Variants in ITIH4 observed in about 807,000 individuals in gnomAD.
ITIH4 encodes the protein inter-alpha-trypsin inhibitor heavy chain 4.
ITIH4 carries 79 observed loss-of-function variants against 111.8 expected under a neutral mutation model. That is an observed-to-expected ratio of 0.71 (90% CI 0.59 to 0.85). ITIH4 has a LOEUF of 0.85. Ranked by LOEUF, ITIH4 falls within the 40% of genes least tolerant of loss-of-function variation. The pLI, the probability that ITIH4 is intolerant of heterozygous loss-of-function variation, is 0.00. For missense variants in ITIH4, 1,065 were observed against 1,195.8 expected (o/e 0.89, Z 1.61); for synonymous variants, 472 against 468.3 (o/e 1.01, Z -0.10).
At chr3:52,820,857 G>C in intron 12 of ITIH4, 72 bp from the exon 13 acceptor site, 1 of 1,556,598 alleles carries the variant, frequency 6.4e-7, no homozygotes, top group Admixed American at 1.8e-5. Context: ...AGCCCCTTCT[G>C]GGGAGGTCCC....
intron 5 of ITIH4, 38 bp from the exon 6 acceptor site, chr3:52,826,052 C>A: frequency 6.2e-7 from 1 of 1,612,184 alleles, no homozygotes; most frequent in Non-Finnish European, 8.5e-7. Flanking sequence ...GGAGGAACAG[C>A]AAAGCCAGGC....
chr3:52,817,999 G>C, intron 20 of ITIH4, 53 bp downstream of exon 20: 1 of 1,339,882 alleles, frequency 7.5e-7, no homozygotes, highest in Non-Finnish European at 1.1e-6. Context: ...CTGTAGGCAG[G>C]TGGTGGGTGT....
intron 21 of ITIH4, among the ~76,000 whole-genome samples, chr3:52,815,831 G>A (rs921946738): frequency 6.6e-6 from 1 of 151,646 alleles, no homozygotes; most frequent in African/African-American, 2.4e-5. Flanking sequence ...GATTACAGGT[G>A]CCCGCCACCA....
In ITIH4 at chr3:52,824,449, G is replaced by A. The variant is rs200098408; in HGVS notation, c.993C>T (p.Ala331=). Residue 331 remains alanine (A), a synonymous_variant, in exon 8 of 24, where the codon GCC becomes GCT. Coordinates refer to ENST00000266041, the MANE Select transcript of ITIH4 (RefSeq NM_002218.5). The surrounding 1 kb of genome is among the most constrained non-coding windows in gnomAD (Gnocchi z 4.3). ...AGCTCCTGGCCTTGTTCACGTTCTC[G>A]GCTGAGGCTGGCACCAGTGATGGCC... ...QWRPSLVPAS[A]ENVNKARSFA... The A allele has an allele frequency of 2.8e-5, 46 of 1,614,182 alleles. No individual in the cohort carries two copies. Among genetic ancestry groups the A allele is most frequent in the Admixed American group, 2.5e-4 (15 of 60,022 alleles).
intron 23 of ITIH4, 73 bp from the exon 24 acceptor site, chr3:52,813,563 C>G (rs1358921688): frequency 2.2e-5 from 29 of 1,346,310 alleles, no homozygotes; most frequent in Non-Finnish European, 3.0e-5. Context: ...AGGGAGACAG[C>G]TGGGGACAGG....
chr3:52,814,437 G>A (rs1173892015), intron 21 of ITIH4, 74 bp from the exon 22 acceptor site: 3 of 1,361,032 alleles, frequency 2.2e-6, no homozygotes, highest in Non-Finnish European at 3.1e-6. Context: ...AGGGTGGGGA[G>A]TGGGCTGGGC....
At chr3:52,817,496 A>G (rs895804127) in intron 20 of ITIH4, among the ~76,000 whole-genome samples, 1 of 152,114 alleles carries the variant, frequency 6.6e-6, no homozygotes, top group Non-Finnish European at 1.5e-5. Flanking sequence ...AAAGCCATGG[A>G]TGTCCCTTGG....
intron 14 of ITIH4, 133 bp downstream of exon 14, chr3:52,820,133 ATGCTGGGTCAGATTACACTGCCTCC>A: frequency 7.8e-7 from 1 of 1,286,992 alleles, no homozygotes; most frequent in East Asian, 2.3e-5. Context: ...ATGCACCAGC[ATGCTGGGTCAGATTACACTGCCTCC>A]TGGCAGCAGG....
At chr3:52,822,063 G>A (rs967279175) in intron 11 of ITIH4, among the ~76,000 whole-genome samples, 1 of 152,204 alleles carries the variant, frequency 6.6e-6, no homozygotes, top group African/African-American at 2.4e-5. Context: ...TTAGATCTGG[G>A]CCAGGTGCGG....
intron 1 of ITIH4, chr3:52,829,845 C>T (rs1700540105): frequency 6.2e-6 from 1 of 160,922 alleles, no homozygotes; most frequent in African/African-American, 2.4e-5. Flanking sequence ...AGTTGGGAAT[C>T]TTCCTCTCTG....
In ITIH4 at chr3:52,814,051, G is replaced by A; in HGVS notation, c.2647C>T (p.Leu883Phe). The change falls in exon 23 of 24, where the codon CTC (leucine) becomes TTC (phenylalanine). Residue 883 changes from leucine (L) to phenylalanine (F), a missense_variant. Coordinates refer to ENST00000266041, the MANE Select transcript of ITIH4 (RefSeq NM_002218.5). ...TCTGATGCTGCTGGAGATCCCCAGA[G>A]CACCTCCTGGTAAAACTGGCCTGAG... ...GTLGQFYQEV[L>F]WGSPAASDDG... 1 of 1,613,900 alleles carries A rather than the reference G, an allele frequency of 6.2e-7. No individual in the cohort carries two copies. The highest frequency in any genetic ancestry group is 8.5e-7 in the Non-Finnish European group (1 of 1,179,930).
chr3:52,826,162 T>A (rs894017398), intron 5 of ITIH4, 148 bp from the exon 6 acceptor site: 2 of 1,130,046 alleles, frequency 1.8e-6, no homozygotes, highest in African/African-American at 3.1e-5. Context: ...GGCTGAGTTA[T>A]TGATGGACCA....
Position 52,814,203 on chromosome 3 carries a change from C to G in ITIH4, c.2626+6G>C. 1 of 1,612,586 alleles carries G rather than the reference C, an allele frequency of 6.2e-7. No homozygotes were observed. Among genetic ancestry groups the G allele is most frequent in the Non-Finnish European group, 8.5e-7 (1 of 1,179,458 alleles). On this transcript the variant is annotated splice_donor_region_variant and intron_variant, in intron 22 of 23. Coordinates refer to ENST00000266041, the MANE Select transcript of ITIH4 (RefSeq NM_002218.5). ...AAGGCCTGGGCCCCGGTAATGGGCT[C>G]AGTACCAAGGGTCCCTCCAACGTGG... is the stretch of plus-strand genomic sequence containing the variant.
Position 52,819,413 on chromosome 3 carries a change from G to C in ITIH4, c.2057C>G (p.Pro686Arg), listed in dbSNP as rs1326986043. ...CTTACAGATGGCCAGACGGCGGAAGGGGTGGTAAGCAGCATGGTCAGGAAC... is the reference window on the plus strand; with the variant it reads ...CTTACAGATGGCCAGACGGCGGAAGCGGTGGTAAGCAGCATGGTCAGGAAC... ...PDVPDHAAYH[P>R]FRRLAILPAS... Residue 686 changes from proline to arginine, a missense_variant, in exon 17 of 24, where the codon CCC (proline) becomes CGC (arginine). By Grantham distance (103) the Pro-to-Arg change is moderately radical. Transcript: ENST00000266041. 6.2e-7 allele frequency: 1 copy of C among 1,614,014 alleles called. No homozygotes were observed. The highest frequency in any genetic ancestry group is 8.5e-7 in the Non-Finnish European group (1 of 1,179,998).
chr3:52,814,425 T>G (rs1168095270), intron 21 of ITIH4, 62 bp from the exon 22 acceptor site: 1 of 1,486,062 alleles, frequency 6.7e-7, no homozygotes, highest in East Asian at 2.3e-5. Context: ...ACCTCAGTAG[T>G]CAGGGTGGGG....
chr3:52,818,518 G>T lies in ITIH4; in HGVS notation c.2096C>A (p.Pro699Gln). Reference protein sequence around the residue: ...RLAILPASAPPATSNPDPAVS... With the variant: ...RLAILPASAPQATSNPDPAVS... ...AGCTGGATCAGGATTTGAGGTGGCT[G>T]GTGGTGCTGAAGCAGGCACTAGGGC... The change falls in exon 18 of 24, where the codon CCA (proline) becomes CAA (glutamine). Residue 699 changes from proline to glutamine, a missense_variant. Transcript: ENST00000266041. 1 of 1,605,640 alleles carries T rather than the reference G, an allele frequency of 6.2e-7. No individual in the cohort carries two copies.
chr3:52,825,543 A>G (rs1700467675), intron 6 of ITIH4, among the ~76,000 whole-genome samples: 1 of 152,128 alleles, frequency 6.6e-6, no homozygotes, highest in African/African-American at 2.4e-5. Context: ...CGGTGCAGTG[A>G]GCCATGATCA....
intron 11 of ITIH4, chr3:52,822,214 A>C (rs2535644): frequency 6.6e-6 from 1 of 151,792 alleles, no homozygotes; most frequent in Non-Finnish European, 1.5e-5. Context: ...GTGGTGGTGG[A>C]TGCTGGTAGT....
rs1344011812 is a variant in ITIH4 at position 52,814,879 on chromosome 3, C to T, written c.2472-516G>A. ...GATTACAGGCGTGAGCCACCGCACC[C>T]GGCCTCTGGTTTTCTTAAATTCAGT... On this transcript the variant is annotated intron_variant, in intron 21 of 23. Coordinates refer to ENST00000266041, the MANE Select transcript of ITIH4 (RefSeq NM_002218.5). Among the ~76,000 whole-genome samples, 5 of 152,134 alleles carry T rather than the reference C, an allele frequency of 3.3e-5. No individual in the cohort carries two copies. The South Asian group carries it at 8.3e-4, about 25-fold the overall frequency.
Sources: gnomAD v4.1 joint callset for allele counts (sites outside exome capture counted in the v4.1 genomes callset) on GRCh38, gnomAD v4.1.1 for gene constraint, Gnocchi (gnomAD v3.1) non-coding constraint, MANE v1.5 for transcripts, NCBI Gene and HGNC (gene_info 2026-07-23, HGNC 2026-07-21) for gene names.